SPDYE3: variants seen among roughly 807,000 people sequenced by gnomAD.
SPDYE3 encodes the protein speedy/RINGO cell cycle regulator family member E3.
A neutral mutation model predicts 55.0 loss-of-function variants in SPDYE3; 15 were observed. The observed-to-expected ratio is 0.27, with a 90% confidence interval of 0.18 to 0.42. SPDYE3 has a LOEUF of 0.42. Among genes scored for constraint, SPDYE3 ranks in the 10% least tolerant of loss-of-function variants. SPDYE3 has a pLI of 1.00. For synonymous variants in SPDYE3, 89 were observed against 229.9 expected (o/e 0.39, Z 5.55); for missense variants, 236 against 576.7 (o/e 0.41, Z 6.05).
intron 6 of SPDYE3, among the ~76,000 whole-genome samples, chr7:100,315,192 T>C (rs3991512): frequency 4.6e-5 from 7 of 152,040 alleles, no homozygotes; most frequent in African/African-American, 1.2e-4. Flanking sequence ...GACAGGAGAA[T>C]TGCTTAAACC....
rs1789572202 is a variant in SPDYE3 at position 100,321,123 on chromosome 7, C to T, written c.*278C>T. Reference sequence around the variant, plus strand: ...AAGAAACCAGGAGTGTTTCCAGTTCCACCCTTTCCTGCGGCACCACCTCCC... The same window carrying T: ...AAGAAACCAGGAGTGTTTCCAGTTCTACCCTTTCCTGCGGCACCACCTCCC... On this transcript the variant is annotated 3_prime_UTR_variant, in exon 11 of 11. Transcript: ENST00000332397. 1 of 551,498 alleles carries T rather than the reference C, an allele frequency of 1.8e-6. No homozygotes were observed. Among genetic ancestry groups the T allele is most frequent in the Non-Finnish European group, 3.4e-6 (1 of 291,434 alleles). The allele number at this position is 551,498 out of a possible 1,614,324, so 34.2% of individuals were successfully genotyped here.
intron 10 of SPDYE3, 160 bp downstream of exon 10, chr7:100,320,195 C>T (rs1166614435): frequency 2.2e-6 from 3 of 1,364,998 alleles, no homozygotes; most frequent in African/African-American, 2.9e-5. Context: ...GGAGGCATCT[C>T]TACTCCCAAC....
At chr7:100,308,109 C>A in intron 1 of SPDYE3, 118 bp downstream of exon 1, 1 of 1,309,792 alleles carries the variant, frequency 7.6e-7, no homozygotes, top group Non-Finnish European at 1.0e-6. Flanking sequence ...GCGGGCAGAT[C>A]ACCTGAGGTC....
chr7:100,308,100 C>A (rs987915306), intron 1 of SPDYE3, 109 bp downstream of exon 1: 20 of 1,353,030 alleles, frequency 1.5e-5, no homozygotes, highest in Admixed American at 9.9e-5. Context: ...GAGGCCGAGG[C>A]GGGCAGATCA....
intron 4 of SPDYE3, among the ~76,000 whole-genome samples, chr7:100,312,496 CAAAA>C (rs1211047563): frequency 1.8e-5 from 1 of 54,478 alleles, no homozygotes; most frequent in African/African-American, 7.7e-5. Flanking sequence ...GACGCTGTCT[CAAAA>C]AAAAAAAAAA....
At chr7:100,315,241 T>G (rs1406490530) in intron 6 of SPDYE3, among the ~76,000 whole-genome samples, 1 of 152,112 alleles carries the variant, frequency 6.6e-6, no homozygotes, top group African/African-American at 2.4e-5. Flanking sequence ...ATCAGGCCAA[T>G]GCATTCCAGC....
At position 100,320,031 on chromosome 7, in the gene SPDYE3, A is replaced by G. The variant is rs1443036202; in HGVS notation, c.*41A>G. The G allele has an allele frequency of 3.1e-6, 5 of 1,604,756 alleles. No homozygotes were observed. Among genetic ancestry groups the G allele is most frequent in the Non-Finnish European group, 3.4e-6 (4 of 1,179,554 alleles). On this transcript the variant is annotated 3_prime_UTR_variant, in exon 10 of 11. Transcript: ENST00000332397. The stretch of plus-strand genomic sequence containing the variant: ...GGAGGCCTGAGGTCATCGGCCTGAG[A>G]GAAGGTACATCTGCATCCTCCGGGG...
At chr7:100,314,913 C>T (rs903204971) in intron 6 of SPDYE3, among the ~76,000 whole-genome samples, 163 bp downstream of exon 6, 1 of 144,212 alleles carries the variant, frequency 6.9e-6, no homozygotes, top group African/African-American at 2.5e-5. Flanking sequence ...TAGGAGTCAA[C>T]AGAGGATTAG....
intron 2 of SPDYE3, among the ~76,000 whole-genome samples, chr7:100,309,988 TGA>T (rs1480558319): frequency 2.9e-5 from 4 of 138,552 alleles, no homozygotes; most frequent in African/African-American, 1.0e-4. Flanking sequence ...CCCAGCTACC[TGA>T]GAGGCTGAGG....
chr7:100,314,310 G>C (rs1245248433), intron 5 of SPDYE3: 2 of 566,162 alleles, frequency 3.5e-6, no homozygotes, highest in Non-Finnish European at 6.0e-6. Flanking sequence ...CCAGGGACCA[G>C]GGAACGATAT....
At chr7:100,315,656 C>A in intron 6 of SPDYE3, 129 bp from the exon 7 acceptor site, 1 of 1,446,880 alleles carries the variant, frequency 6.9e-7, no homozygotes, top group South Asian at 1.1e-5. Flanking sequence ...TCTCCCCTCT[C>A]CCATCCACCT....
At chr7:100,312,496 CAAA>C (rs1211047563) in intron 4 of SPDYE3, among the ~76,000 whole-genome samples, 1 of 54,478 alleles carries the variant, frequency 1.8e-5, no homozygotes, top group Non-Finnish European at 3.6e-5. Flanking sequence ...GACGCTGTCT[CAAA>C]AAAAAAAAAA....
At chr7:100,316,952 A>G in intron 7 of SPDYE3, 118 bp from the exon 8 acceptor site, 2 of 1,440,744 alleles carry the variant, frequency 1.4e-6, no homozygotes, top group Non-Finnish European at 2.0e-6. Flanking sequence ...AGTCACCCCA[A>G]TGCTGAGGTC....
chr7:100,321,521 CTTT>C lies in SPDYE3; in HGVS notation c.*678_*680del, dbSNP rs1270084384. 4 of 159,676 alleles carry C rather than the reference CTTT, an allele frequency of 2.5e-5. No homozygotes were observed. Among genetic ancestry groups the C allele is most frequent in the Admixed American group, 2.5e-4 (4 of 16,326 alleles). 9.9% of individuals were successfully genotyped at this position (159,676 alleles called of 1,614,324 possible). ...AGTGAGAATTCTTTTTATCCTAAATCTTTTATTATCTTTAAATTTTTCTCTGTA... is the reference window on the plus strand; with the variant it reads ...AGTGAGAATTCTTTTTATCCTAAATCTATTATCTTTAAATTTTTCTCTGTA... On this transcript the variant is annotated 3_prime_UTR_variant, in exon 11 of 11. Transcript: ENST00000332397.
chr7:100,317,557 G>A (rs920777369), intron 8 of SPDYE3, among the ~76,000 whole-genome samples: 1 of 151,056 alleles, frequency 6.6e-6, no homozygotes, highest in Non-Finnish European at 1.5e-5. Flanking sequence ...GTAAGCTAAG[G>A]TTGAGCCACT....
intron 8 of SPDYE3, among the ~76,000 whole-genome samples, chr7:100,317,909 G>A (rs1806145528): frequency 6.8e-6 from 1 of 147,660 alleles, no homozygotes; most frequent in Non-Finnish European, 1.5e-5. Context: ...CTGGGAGGCG[G>A]AGCTTGCAGT....
intron 4 of SPDYE3, among the ~76,000 whole-genome samples, chr7:100,312,891 A>C (rs1000972591): frequency 6.7e-6 from 1 of 149,832 alleles, no homozygotes; most frequent in Non-Finnish European, 1.5e-5. Context: ...AAAAAAAAAA[A>C]AGAGGGCCTC....
At chr7:100,318,342 T>A (rs937269564) in intron 8 of SPDYE3, among the ~76,000 whole-genome samples, 1 of 152,156 alleles carries the variant, frequency 6.6e-6, no homozygotes, top group African/African-American at 2.4e-5. Context: ...TCTTTCTCTA[T>A]CGAGGCCAGG....
Position 100,322,066 on chromosome 7 carries a change from C to T in SPDYE3, c.*1221C>T, listed in dbSNP as rs1206234390. The T allele has an allele frequency of 6.6e-6, 1 of 151,766 alleles. No individual in the cohort carries two copies. Among genetic ancestry groups the T allele is most frequent in the East Asian group, 1.9e-4 (1 of 5,204 alleles). The allele number at this position is 151,766 out of a possible 1,614,324, so 9.4% of individuals were successfully genotyped here. A position where few individuals can be genotyped will look rare whatever the true frequency, so the allele number is the denominator to read the frequency against. ...ATCTTTTACCTTTCAATCTTTGTAT[C>T]TATTACTACATATGCTGCTGAAGGG... On this transcript the variant is annotated 3_prime_UTR_variant, in exon 11 of 11. Transcript: ENST00000332397.
Sources: gnomAD v4.1 joint callset for allele counts (sites outside exome capture counted in the v4.1 genomes callset) on GRCh38, gnomAD v4.1.1 for gene constraint, MANE v1.5 for transcripts, NCBI Gene and HGNC (gene_info 2026-07-23, HGNC 2026-07-21) for gene names.